Variants in SEM1 observed in about 807,000 individuals in gnomAD.
The protein encoded by SEM1 is SEM1 26S proteasome subunit.
SEM1 carries 3 observed loss-of-function variants against 12.7 expected under a neutral mutation model. That is an observed-to-expected ratio of 0.24 (90% CI 0.11 to 0.61). The LOEUF (loss-of-function observed/expected upper bound fraction) is 0.61, where lower values mean the gene tolerates loss of function less well. Ranked by LOEUF, SEM1 falls within the 20% of genes least tolerant of loss-of-function variation. The pLI is 0.88. For missense variants in SEM1, 59 were observed against 81.3 expected (o/e 0.73, Z 1.06); for synonymous variants, 30 against 27.8 (o/e 1.08, Z -0.25).
intron 2 of SEM1, among the ~76,000 whole-genome samples, chr7:96,580,967 A>G (rs1274803661): frequency 1.1e-4 from 17 of 152,054 alleles, no homozygotes; most frequent in Admixed American, 6.5e-4. Flanking sequence ...GAAGCTCTTT[A>G]GTTTAATTAG....
At chr7:96,483,949 T>TGGTGGGGGGCTC in exon 4 of SEM1, 1 of 1,535,284 alleles carries the variant, frequency 6.5e-7, no homozygotes, top group Non-Finnish European at 8.7e-7. Context: ...GCACCAAGGA[T>TGGTGGGGGGCTC]GGTGGGGGGC....
intron 3 of SEM1, among the ~76,000 whole-genome samples, chr7:96,505,737 C>T (rs975430732): frequency 1.3e-5 from 2 of 152,050 alleles, no homozygotes; most frequent in African/African-American, 4.8e-5. Context: ...AGGAGTCTTT[C>T]TGTGGTCTCT....
At chr7:96,709,026 G>A (rs1790560068) in intron 1 of SEM1, among the ~76,000 whole-genome samples, 1 of 151,974 alleles carries the variant, frequency 6.6e-6, no homozygotes, top group Non-Finnish European at 1.5e-5. Flanking sequence ...TGTTGCCCAG[G>A]CTGGTCTTGA....
chr7:96,651,113 T>C (rs1182158795), intron 2 of SEM1, among the ~76,000 whole-genome samples: 1 of 152,154 alleles, frequency 6.6e-6, no homozygotes, highest in Non-Finnish European at 1.5e-5. Flanking sequence ...AAGTCAAGGA[T>C]TGGTTCTTAT....
rs1807453010 is a variant in SEM1, at chr7:96,608,568, G to A, written c.170+86230C>T. ...CCATAAAGAAGCCTTGTACCCACTTGGAGTCCAGTCTCCATTTTCCCTCCC... is the reference window on the plus strand; with the variant it reads ...CCATAAAGAAGCCTTGTACCCACTTAGAGTCCAGTCTCCATTTTCCCTCCC... On this transcript the variant is annotated intron_variant and NMD_transcript_variant, in intron 2 of 3. Coordinates refer to the SEM1 transcript ENST00000466986. 2.0e-5 allele frequency among the ~76,000 whole-genome samples: 3 copies of A among 152,190 alleles called. 1 individual carries two copies. Among genetic ancestry groups the A allele is most frequent in the Admixed American group, 2.0e-4 (3 of 15,274 alleles).
upstream of SEM1, among the ~76,000 whole-genome samples, chr7:96,499,841 C>A (rs905166081): frequency 3.3e-5 from 5 of 152,012 alleles, no homozygotes; most frequent in Admixed American, 6.6e-5. Flanking sequence ...GCTAGAAAAA[C>A]GTTTTTTGTT....
chr7:96,655,563 G>A (rs1239375316), intron 2 of SEM1, among the ~76,000 whole-genome samples: 1 of 151,504 alleles, frequency 6.6e-6, no homozygotes, highest in Non-Finnish European at 1.5e-5. Flanking sequence ...TTACAGGTGT[G>A]AGCCACTGCA....
chr7:96,584,066 T>C (rs1006348478), intron 2 of SEM1, among the ~76,000 whole-genome samples: 7 of 152,216 alleles, frequency 4.6e-5, no homozygotes, highest in Non-Finnish European at 8.8e-5. Flanking sequence ...CTAGTCTCGA[T>C]GGCCTTTACA....
chr7:96,577,463 T>A (rs532431661), intron 2 of SEM1, among the ~76,000 whole-genome samples: 2 of 152,032 alleles, frequency 1.3e-5, no homozygotes, highest in African/African-American at 4.8e-5. Flanking sequence ...TAATTCATAA[T>A]GTATTGATTA....
chr7:96,598,222 G>A (rs1010172584), intron 2 of SEM1, among the ~76,000 whole-genome samples: 3 of 152,104 alleles, frequency 2.0e-5, no homozygotes, highest in Non-Finnish European at 4.4e-5. Flanking sequence ...AAAAGATAAT[G>A]AACTGGTAGA....
intron 2 of SEM1, among the ~76,000 whole-genome samples, chr7:96,595,972 C>G (rs997010680): frequency 6.6e-6 from 1 of 152,118 alleles, no homozygotes; most frequent in Non-Finnish European, 1.5e-5. Context: ...AGCTATGCAG[C>G]CTTTGCAGGC....
intron 2 of SEM1, among the ~76,000 whole-genome samples, chr7:96,592,832 G>A (rs536797398): frequency 1.3e-5 from 2 of 151,780 alleles, no homozygotes; most frequent in African/African-American, 4.8e-5. Context: ...TAATTTGGTC[G>A]AAGGGTTCAT....
intron 2 of SEM1, among the ~76,000 whole-genome samples, chr7:96,691,762 A>T (rs1789939017): frequency 6.6e-6 from 1 of 152,242 alleles, no homozygotes; most frequent in Non-Finnish European, 1.5e-5. Context: ...AATTGAATAA[A>T]ACAAAAAATT....
rs562152027 is a variant in SEM1, at chr7:96,534,995, C to A, written c.171-28297G>T. Among the ~76,000 whole-genome samples the A allele has an allele frequency of 5.6e-3, 844 of 151,906 alleles. 10 individuals carry two copies. The highest frequency in any genetic ancestry group is 0.019 in the African/African-American group (806 of 41,476). On this transcript the variant is annotated intron_variant and NMD_transcript_variant, in intron 2 of 3. Coordinates refer to the SEM1 transcript ENST00000466986. ...GAGTTATTAATAATTTGTAAGAGAGCAAAGGAGTCCTAAGACCAAAAACTT... is the reference window on the plus strand; with the variant it reads ...GAGTTATTAATAATTTGTAAGAGAGAAAAGGAGTCCTAAGACCAAAAACTT...
At chr7:96,505,143 C>T (rs896110327) in intron 3 of SEM1, among the ~76,000 whole-genome samples, 3 of 151,752 alleles carry the variant, frequency 2.0e-5, no homozygotes, top group African/African-American at 7.3e-5. Context: ...CACTCTGTCC[C>T]CCAGGCTGGA....
At chr7:96,593,910 T>G (rs1220383364) in intron 2 of SEM1, among the ~76,000 whole-genome samples, 2 of 151,986 alleles carry the variant, frequency 1.3e-5, no homozygotes, top group African/African-American at 2.4e-5. Context: ...AAAGTTGGGT[T>G]TGTTTTTTTT....
chr7:96,590,657 A>C (rs546124952), intron 2 of SEM1, among the ~76,000 whole-genome samples: 54 of 152,368 alleles, frequency 3.5e-4, no homozygotes, highest in African/African-American at 1.3e-3. Flanking sequence ...AATTTAAATT[A>C]GAGTGCCTGA....
intron 2 of SEM1, among the ~76,000 whole-genome samples, chr7:96,544,483 TAATA>T (rs1387224450): frequency 1.3e-5 from 2 of 152,068 alleles, no homozygotes; most frequent in African/African-American, 4.8e-5. Context: ...TATAGATGTT[TAATA>T]AATTCCTTAA....
At chr7:96,576,402 C>T (rs1806205223) in intron 2 of SEM1, among the ~76,000 whole-genome samples, 1 of 152,070 alleles carries the variant, frequency 6.6e-6, no homozygotes, top group African/African-American at 2.4e-5. Flanking sequence ...GTCTGGTTTA[C>T]TGTGCTTTGT....
Sources: gnomAD v4.1 joint callset for allele counts (sites outside exome capture counted in the v4.1 genomes callset) on GRCh38, gnomAD v4.1.1 for gene constraint, MANE v1.5 for transcripts, NCBI Gene and HGNC (gene_info 2026-07-23, HGNC 2026-07-21) for gene names.